ADAMTS19: variants seen among roughly 807,000 people sequenced by gnomAD.
ADAMTS19 encodes the protein A disintegrin and metalloproteinase with thrombospondin motifs 19.
Under a neutral mutation model 153.3 loss-of-function variants are expected in ADAMTS19, and 93 were observed. That is an observed-to-expected ratio of 0.61 (90% CI 0.51 to 0.72). The LOEUF is 0.72. Ranked by LOEUF, ADAMTS19 falls within the 30% of genes least tolerant of loss-of-function variation. ADAMTS19 has a pLI of 0.00. For synonymous variants in ADAMTS19, 600 were observed against 556.6 expected, an observed-to-expected ratio of 1.08 and a Z score of -1.10; for missense variants, 1,482 against 1,552.1, an observed-to-expected ratio of 0.95 and a Z score of 0.76.
At chr5:129,628,634 T>C (rs927823192) in intron 10 of ADAMTS19, among the ~76,000 whole-genome samples, 10 of 152,076 alleles carry the variant, frequency 6.6e-5, no homozygotes, top group African/African-American at 2.4e-4. Flanking sequence ...AAAATAGTTA[T>C]AACTGTAGAA....
chr5:129,569,130 T>TG (rs759541476), intron 7 of ADAMTS19, among the ~76,000 whole-genome samples: 3 of 151,656 alleles, frequency 2.0e-5, no homozygotes, highest in Non-Finnish European at 4.4e-5. Flanking sequence ...AGATATACTG[T>TG]GGAAAAAGTA....
chr5:129,567,464 T>C (rs1022611399), intron 7 of ADAMTS19, among the ~76,000 whole-genome samples: 1 of 152,136 alleles, frequency 6.6e-6, no homozygotes, highest in Non-Finnish European at 1.5e-5. Context: ...AGGGCAAGCA[T>C]ATTTCAAATG....
chr5:129,571,942 A>C (rs1029268141), intron 7 of ADAMTS19, among the ~76,000 whole-genome samples: 9 of 151,920 alleles, frequency 5.9e-5, no homozygotes, highest in Admixed American at 5.9e-4. Flanking sequence ...TGCTTAAAAA[A>C]TTGAATATCA....
chr5:129,546,655 C>A (rs576001043), intron 6 of ADAMTS19, among the ~76,000 whole-genome samples: 2 of 150,500 alleles, frequency 1.3e-5, no homozygotes, highest in East Asian at 3.9e-4. Flanking sequence ...TGAATACATG[C>A]AAAATAATAA....
intron 2 of ADAMTS19, among the ~76,000 whole-genome samples, chr5:129,504,000 CT>C (rs761257838): frequency 5.3e-5 from 8 of 152,130 alleles, no homozygotes; most frequent in Non-Finnish European, 1.2e-4. Flanking sequence ...CTCGGATGTA[CT>C]TTATATTGGG....
Position 129,641,911 on chromosome 5 carries a change from G to C in ADAMTS19, c.1823G>C (p.Arg608Thr). The change falls in exon 11 of 23, where the codon AGA becomes ACA. Residue 608 changes from arginine to threonine, a missense_variant. Arg to Thr is a moderately conservative substitution (Grantham distance 71). Around this residue, in one of 2 missense-constraint regions of ADAMTS19, gnomAD observed 866 missense variants for 827.7 expected, o/e 1.05. Transcript: ENST00000274487. Reference sequence around the variant, plus strand: ...AAGGTAGAAGGTGAGAAAGAATGCAGAACCAAGCTAGACCCACCAATGGAT... The same window carrying C: ...AAGGTAGAAGGTGAGAAAGAATGCACAACCAAGCTAGACCCACCAATGGAT... ...WCKVEGEKECRTKLDPPMDGT... is the reference protein window; with the variant it reads ...WCKVEGEKECTTKLDPPMDGT... The C allele has an allele frequency of 1.2e-6, 2 of 1,606,904 alleles. No homozygotes were observed. The highest frequency in any genetic ancestry group is 1.7e-6 in the Non-Finnish European group (2 of 1,176,280).
chr5:129,611,354 G>A (rs892198277), intron 8 of ADAMTS19, among the ~76,000 whole-genome samples: 2 of 152,178 alleles, frequency 1.3e-5, no homozygotes, highest in Non-Finnish European at 2.9e-5. Context: ...TAGACACGAA[G>A]TCCTTGCCCA....
intron 7 of ADAMTS19, among the ~76,000 whole-genome samples, chr5:129,558,887 G>A (rs1273660665): frequency 6.6e-6 from 1 of 150,436 alleles, no homozygotes; most frequent in Admixed American, 6.7e-5. Context: ...AATTCATATG[G>A]TTTAAATTTG....
chr5:129,612,890 A>C (rs890233739), intron 8 of ADAMTS19, among the ~76,000 whole-genome samples: 1 of 152,162 alleles, frequency 6.6e-6, no homozygotes, highest in African/African-American at 2.4e-5. Context: ...TTGCAATCCT[A>C]GTCTCTGATA....
intron 6 of ADAMTS19, among the ~76,000 whole-genome samples, chr5:129,542,295 G>T (rs956759164): frequency 6.6e-6 from 1 of 152,030 alleles, no homozygotes; most frequent in African/African-American, 2.4e-5. Context: ...GTTTCAATGT[G>T]GGGGGATAAT....
chr5:129,568,658 A>G (rs1355264254), intron 7 of ADAMTS19, among the ~76,000 whole-genome samples: 1 of 151,950 alleles, frequency 6.6e-6, no homozygotes, highest in Non-Finnish European at 1.5e-5. Flanking sequence ...TGTTGCCACA[A>G]AAAAAGTTTA....
chr5:129,649,029 T>C (rs1753196670), intron 13 of ADAMTS19, 59 bp downstream of exon 13: 1 of 1,448,722 alleles, frequency 6.9e-7, no homozygotes, highest in African/African-American at 1.4e-5. Flanking sequence ...TTGCGAAGTG[T>C]TTTTACAATA....
chr5:129,633,615 G>T (rs185739779), intron 10 of ADAMTS19, among the ~76,000 whole-genome samples: 2 of 152,212 alleles, frequency 1.3e-5, no homozygotes, highest in African/African-American at 2.4e-5. Context: ...GTACTATTTG[G>T]CAATTTACAG....
chr5:129,725,917 A>G (rs1346569589), intron 21 of ADAMTS19, among the ~76,000 whole-genome samples: 1 of 152,146 alleles, frequency 6.6e-6, no homozygotes, highest in Non-Finnish European at 1.5e-5. Flanking sequence ...AGAAGATTGT[A>G]CTTTCCTTAG....
At chr5:129,479,266 T>G (rs932286941) in intron 2 of ADAMTS19, among the ~76,000 whole-genome samples, 1 of 152,196 alleles carries the variant, frequency 6.6e-6, no homozygotes, top group African/African-American at 2.4e-5. Context: ...GGGTAGAAAT[T>G]GATGTGGAAT....
chr5:129,602,525 A>C (rs1750709481), intron 8 of ADAMTS19, among the ~76,000 whole-genome samples: 1 of 152,208 alleles, frequency 6.6e-6, no homozygotes. Flanking sequence ...CAACTGCATA[A>C]AAATTCTTGA....
At chr5:129,622,502 T>C (rs986725036) in intron 10 of ADAMTS19, among the ~76,000 whole-genome samples, 154 bp downstream of exon 10, 2 of 152,244 alleles carry the variant, frequency 1.3e-5, no homozygotes, top group African/African-American at 4.8e-5. Context: ...ATTTTTTTCT[T>C]ATACTTTGGA....
intron 14 of ADAMTS19, among the ~76,000 whole-genome samples, chr5:129,657,082 G>T (rs1044387863): frequency 3.3e-5 from 5 of 152,152 alleles, no homozygotes; most frequent in Non-Finnish European, 5.9e-5. Flanking sequence ...TCCTGTGGTG[G>T]CTACTTCTTT....
At chr5:129,549,902 GTATCCGTATATGTATATATGTATCTAT>G (rs1194521917) in intron 6 of ADAMTS19, among the ~76,000 whole-genome samples, 8 of 113,544 alleles carry the variant, frequency 7.0e-5, no homozygotes, top group African/African-American at 3.0e-4. Context: ...ACATATACAT[GTATCCGTATATGTATATATGTATCTAT>G]ATATACATAT....
Sources: gnomAD v4.1 joint callset for allele counts (sites outside exome capture counted in the v4.1 genomes callset) on GRCh38, gnomAD v4.1.1 for gene constraint, gnomAD v4.1.1 regional missense constraint, MANE v1.5 for transcripts, NCBI Gene and HGNC (gene_info 2026-07-23, HGNC 2026-07-21) for gene names.